Variants in RAB2A observed in about 807,000 individuals in gnomAD.
The protein encoded by RAB2A is RAB2A, member RAS oncogene family, also known as ras-related protein Rab-2A.
A neutral mutation model predicts 32.5 loss-of-function variants in RAB2A; 7 were observed. The observed-to-expected ratio is 0.22, with a 90% CI of 0.12 to 0.40. The LOEUF (loss-of-function observed/expected upper bound fraction) is 0.40, where lower values mean the gene tolerates loss of function less well. RAB2A is among the 10% of genes least tolerant of loss of function. The pLI, the probability that RAB2A is intolerant of heterozygous loss-of-function variation, is 1.00. For missense variants in RAB2A, 108 were observed against 260.7 expected, an observed-to-expected ratio of 0.41 and a Z score of 4.03; for synonymous variants, 79 against 85.2, an observed-to-expected ratio of 0.93 and a Z score of 0.40.
intron 6 of RAB2A, among the ~76,000 whole-genome samples, chr8:60,616,013 T>C (rs1466189500): frequency 6.6e-6 from 1 of 152,200 alleles, no homozygotes; most frequent in Non-Finnish European, 1.5e-5. Context: ...TAATGTGTAA[T>C]CAGAGATTGA....
At chr8:60,593,444 TAGGC>T (rs1803973345) in intron 6 of RAB2A, among the ~76,000 whole-genome samples, 1 of 152,042 alleles carries the variant, frequency 6.6e-6, no homozygotes, top group South Asian at 2.1e-4. Flanking sequence ...AACCAGGAAA[TAGGC>T]AGGTCAGAAC....
Position 60,526,294 on chromosome 8 carries a change from G to A in RAB2A, c.46+9041G>A, listed in dbSNP as rs572080109. ...CCCGTTTCCTTCCTGGCTATCATCT[G>A]AGAGCTTTTCCCGACTTCTAGAGTC... On this transcript the variant is annotated intron_variant, in intron 1 of 7. Transcript: ENST00000262646. Among the ~76,000 whole-genome samples, 17 of 152,090 alleles carry A rather than the reference G, an allele frequency of 1.1e-4. 1 individual carries two copies. The highest frequency in any genetic ancestry group is 3.4e-3 in the Middle Eastern group (1 of 294).
intron 1 of RAB2A, among the ~76,000 whole-genome samples, chr8:60,543,338 G>A (rs1807675475): frequency 7.4e-6 from 1 of 135,796 alleles, no homozygotes; most frequent in Non-Finnish European, 1.5e-5. Flanking sequence ...AGCGTTCATT[G>A]GCTTCTGGCA....
intron 6 of RAB2A, among the ~76,000 whole-genome samples, chr8:60,602,579 A>G (rs1804152274): frequency 6.6e-6 from 1 of 152,226 alleles, no homozygotes; most frequent in Non-Finnish European, 1.5e-5. Flanking sequence ...CTGCCTTTTG[A>G]TAGGCATTCA....
intron 3 of RAB2A, chr8:60,576,371 T>A (rs1254957212): frequency 2.3e-6 from 1 of 430,130 alleles, no homozygotes; most frequent in Non-Finnish European, 4.7e-6. Context: ...TCTTACTTTT[T>A]CTCTTGCCTT....
chr8:60,567,328 A>T (rs978267771), intron 2 of RAB2A, among the ~76,000 whole-genome samples: 2 of 151,898 alleles, frequency 1.3e-5, no homozygotes, highest in African/African-American at 2.4e-5. Flanking sequence ...GTTGACCAGG[A>T]TGGTCTCGAT....
chr8:60,620,846 G>A lies in RAB2A; in HGVS notation c.*77G>A, dbSNP rs566202905. ...ACCCCCTCTCCTCCTGCTCAGCTGAGACATGAAACTATTTGAAATGGCTTT... is the reference window on the plus strand; with the variant it reads ...ACCCCCTCTCCTCCTGCTCAGCTGAAACATGAAACTATTTGAAATGGCTTT... On this transcript the variant is annotated 3_prime_UTR_variant, in exon 8 of 8. Coordinates refer to ENST00000262646, the MANE Select transcript of RAB2A (RefSeq NM_002865.3). 2.5e-5 allele frequency: 30 copies of A among 1,212,160 alleles called. 1 individual carries two copies. The South Asian group carries it at 4.3e-4, about 17-fold the overall frequency. The allele number at this position is 1,212,160 out of a possible 1,614,324, so 75.1% of individuals were successfully genotyped here.
intron 1 of RAB2A, among the ~76,000 whole-genome samples, chr8:60,528,244 T>C (rs564767073): frequency 6.6e-6 from 1 of 152,376 alleles, no homozygotes; most frequent in South Asian, 2.1e-4. Context: ...CATGTGACTA[T>C]GGGCAACCCA....
intron 2 of RAB2A, among the ~76,000 whole-genome samples, chr8:60,566,595 A>G (rs971168590): frequency 2.0e-5 from 3 of 152,076 alleles, no homozygotes; most frequent in Non-Finnish European, 2.9e-5. Context: ...GTGGTCATGT[A>G]TATCATTTTC....
Position 60,621,252 on chromosome 8 carries a change from G to A in RAB2A, c.*483G>A, listed in dbSNP as rs1448210396. 1 of 152,476 alleles carries A rather than the reference G, an allele frequency of 6.6e-6. No homozygotes were observed. Among genetic ancestry groups the A allele is most frequent in the East Asian group, 1.9e-4 (1 of 5,200 alleles). 9.4% of individuals were successfully genotyped at this position (152,476 alleles called of 1,614,324 possible). On this transcript the variant is annotated 3_prime_UTR_variant, in exon 8 of 8. Transcript: ENST00000262646. ...TTCTGTATATATAGTTTAATAACCTGCTTGGGTGTAATTTGCCAAGCTTGA... is the reference window on the plus strand; with the variant it reads ...TTCTGTATATATAGTTTAATAACCTACTTGGGTGTAATTTGCCAAGCTTGA...
At chr8:60,517,856 A>C (rs1457779178) in intron 1 of RAB2A, among the ~76,000 whole-genome samples, 1 of 152,160 alleles carries the variant, frequency 6.6e-6, no homozygotes. Flanking sequence ...ACGTCAGAAT[A>C]AGTCACATCT....
At chr8:60,570,006 C>T (rs1229241725) in intron 2 of RAB2A, 1 of 456,134 alleles carries the variant, frequency 2.2e-6, no homozygotes, top group Admixed American at 2.3e-5. Context: ...AGCTATCCTG[C>T]AGCAGGAGCA....
At chr8:60,567,139 CAG>C (rs1808127568) in intron 2 of RAB2A, among the ~76,000 whole-genome samples, 1 of 143,152 alleles carries the variant, frequency 7.0e-6, no homozygotes, top group African/African-American at 2.6e-5. Flanking sequence ...TTTTTTGAGA[CAG>C]AGTCTCATTC....
chr8:60,521,281 C>T (rs149110335), intron 1 of RAB2A, among the ~76,000 whole-genome samples: 8 of 152,232 alleles, frequency 5.3e-5, no homozygotes, highest in African/African-American at 1.7e-4. Context: ...GAGTAGGCAC[C>T]GCCAGAGTGG....
intron 2 of RAB2A, 121 bp downstream of exon 2, chr8:60,559,044 G>A (rs1035582860): frequency 2.7e-5 from 19 of 698,648 alleles, no homozygotes; most frequent in Non-Finnish European, 4.2e-5. Context: ...TTGTTGTTAC[G>A]CTGTTTAATC....
chr8:60,549,214 C>G (rs1296958747), intron 1 of RAB2A, among the ~76,000 whole-genome samples: 2 of 152,070 alleles, frequency 1.3e-5, no homozygotes, highest in Admixed American at 1.3e-4. Context: ...CAGGCGGAGA[C>G]GCTCCTCACT....
chr8:60,575,716 G>A (rs1478238870), intron 3 of RAB2A, among the ~76,000 whole-genome samples: 1 of 138,852 alleles, frequency 7.2e-6, no homozygotes, highest in Non-Finnish European at 1.5e-5. Context: ...GTAGTGCAAT[G>A]GTGCAATCTC....
At chr8:60,610,697 C>G (rs972653529) in intron 6 of RAB2A, among the ~76,000 whole-genome samples, 1 of 152,198 alleles carries the variant, frequency 6.6e-6, no homozygotes, top group East Asian at 1.9e-4. Context: ...ATCCCCGGAA[C>G]TTCATAGATG....
At chr8:60,620,125 C>G (rs1448799041) in intron 7 of RAB2A, among the ~76,000 whole-genome samples, 2 of 152,198 alleles carry the variant, frequency 1.3e-5, no homozygotes, top group African/African-American at 4.8e-5. Context: ...GTAAAATCCA[C>G]TTGAGGGAGT....
Sources: allele counts gnomAD v4.1 joint callset (sites outside exome capture counted in the v4.1 genomes callset), GRCh38; gene constraint gnomAD v4.1.1; transcripts MANE v1.5; gene names NCBI Gene and HGNC (gene_info 2026-07-23, HGNC 2026-07-21).